Variants in ITGB5 observed in about 807,000 individuals in gnomAD.
ITGB5 encodes the protein integrin beta-5.
A neutral mutation model predicts 84.8 loss-of-function variants in ITGB5; 38 were observed. The ratio of observed to expected loss-of-function variants is 0.45; its 90% CI spans 0.35 to 0.59. The LOEUF (loss-of-function observed/expected upper bound fraction) is 0.59. Ranked by LOEUF, ITGB5 falls within the 20% of genes least tolerant of loss-of-function variation. The pLI is 0.01. For missense variants in ITGB5, 905 were observed against 1,034.5 expected, an observed-to-expected ratio of 0.87 and a Z score of 1.72; for synonymous variants, 393 against 414.4, an observed-to-expected ratio of 0.95 and a Z score of 0.63.
intron 8 of ITGB5, among the ~76,000 whole-genome samples, chr3:124,816,212 G>A (rs2064590002): frequency 6.6e-6 from 1 of 152,190 alleles, no homozygotes; most frequent in African/African-American, 2.4e-5. Flanking sequence ...TAAGCGCAGG[G>A]CTGGCTACAC....
chr3:124,817,563 G>A, intron 8 of ITGB5, 58 bp downstream of exon 8: 1 of 913,064 alleles, frequency 1.1e-6, no homozygotes, highest in Non-Finnish European at 1.7e-6. Context: ...CAGCTGCAGG[G>A]CCTCAGTGGG....
At chr3:124,805,045 TG>T (rs199948136) in intron 9 of ITGB5, among the ~76,000 whole-genome samples, 3,287 of 140,812 alleles carry the variant, frequency 0.023, 48 homozygotes, top group African/African-American at 0.041. Flanking sequence ...TGCCCTGCCC[TG>T]CCCTCCCTCC....
chr3:124,775,804 A>T (rs2063918902), intron 10 of ITGB5, among the ~76,000 whole-genome samples: 1 of 152,190 alleles, frequency 6.6e-6, no homozygotes, highest in Admixed American at 6.5e-5. Context: ...GTCAGAACTC[A>T]ACTCCAGAAA....
chr3:124,836,041 C>G (rs1036208922), intron 5 of ITGB5, among the ~76,000 whole-genome samples: 11 of 152,172 alleles, frequency 7.2e-5, no homozygotes, highest in African/African-American at 2.7e-4. Context: ...GGAAGGCAAC[C>G]TGGAGCACCT....
intron 7 of ITGB5, among the ~76,000 whole-genome samples, chr3:124,818,272 T>C (rs1348782159): frequency 1.3e-5 from 2 of 152,146 alleles, no homozygotes; most frequent in East Asian, 3.9e-4. Context: ...TCCTCTTTCA[T>C]CTGTACTAAC....
chr3:124,828,698 T>G (rs891326273), intron 5 of ITGB5, among the ~76,000 whole-genome samples: 6 of 152,256 alleles, frequency 3.9e-5, no homozygotes, highest in Admixed American at 1.3e-4. Context: ...ATGCTCAGGC[T>G]GGTCTTGAAC....
chr3:124,837,416 G>T (rs2064950256), intron 5 of ITGB5, among the ~76,000 whole-genome samples: 1 of 152,198 alleles, frequency 6.6e-6, no homozygotes, highest in Non-Finnish European at 1.5e-5. Flanking sequence ...ACAGGCAGTG[G>T]CATTCTCCAA....
chr3:124,810,609 G>A (rs868841650), intron 8 of ITGB5, among the ~76,000 whole-genome samples: 6 of 145,752 alleles, frequency 4.1e-5, no homozygotes, highest in Admixed American at 1.4e-4. Flanking sequence ...AAAAAATTAA[G>A]AATAATAATA....
chr3:124,801,876 C>T (rs1044947585), intron 9 of ITGB5, among the ~76,000 whole-genome samples: 2 of 152,254 alleles, frequency 1.3e-5, no homozygotes, highest in Non-Finnish European at 1.5e-5. Flanking sequence ...CCTCCATGGC[C>T]GTCACCATCA....
At chr3:124,867,108 T>G (rs188984995) in intron 2 of ITGB5, among the ~76,000 whole-genome samples, 88 of 152,242 alleles carry the variant, frequency 5.8e-4, no homozygotes, top group Admixed American at 1.4e-3. Context: ...CTTCATTGCT[T>G]CTTCTCCACA....
intron 11 of ITGB5, chr3:124,769,874 A>G (rs971936760): frequency 2.0e-5 from 3 of 152,234 alleles, no homozygotes; most frequent in Admixed American, 1.3e-4. Context: ...CCTCCTCTAG[A>G]AAATGGATGA....
intron 5 of ITGB5, among the ~76,000 whole-genome samples, chr3:124,838,796 T>C (rs6438857): frequency 0.45 from 67,994 of 151,740 alleles, 15,492 homozygotes; most frequent in East Asian, 0.7. Flanking sequence ...AGAGACGGGG[T>C]TTCACCGCGT....
chr3:124,815,516 G>C, intron 8 of ITGB5, among the ~76,000 whole-genome samples: 1 of 152,194 alleles, frequency 6.6e-6, no homozygotes, highest in Admixed American at 6.5e-5. Flanking sequence ...GGAGGCAAGC[G>C]GTGGCCTCCC....
At chr3:124,830,490 AC>A (rs1336819417) in intron 5 of ITGB5, among the ~76,000 whole-genome samples, 1 of 152,248 alleles carries the variant, frequency 6.6e-6, no homozygotes, top group Non-Finnish European at 1.5e-5. Flanking sequence ...CCAAGGGGCT[AC>A]AACAGGACAA....
chr3:124,834,650 A>C, intron 5 of ITGB5, among the ~76,000 whole-genome samples: 1 of 89,044 alleles, frequency 1.1e-5, no homozygotes, highest in South Asian at 4.9e-4. Context: ...AAGGACGGAC[A>C]GGAGGAAGGG....
At chr3:124,766,796 G>C (rs894660300) in intron 12 of ITGB5, among the ~76,000 whole-genome samples, 4 of 152,226 alleles carry the variant, frequency 2.6e-5, no homozygotes, top group Non-Finnish European at 1.5e-5. Flanking sequence ...GAGGCCAAGA[G>C]GCAGCAACTC....
chr3:124,849,964 C>T (rs848807), intron 3 of ITGB5, among the ~76,000 whole-genome samples: 127,428 of 152,094 alleles, frequency 0.84, 53,670 homozygotes, highest in African/African-American at 0.93. Context: ...GAACTGTCTA[C>T]ACATACTTGA....
chr3:124,787,114 C>T (rs966881204), intron 10 of ITGB5, among the ~76,000 whole-genome samples: 2 of 152,142 alleles, frequency 1.3e-5, no homozygotes, highest in South Asian at 2.1e-4. Context: ...AGCCAAACCT[C>T]GTGACCTTAA....
chr3:124,806,761 C>T (rs1174978445), intron 9 of ITGB5, among the ~76,000 whole-genome samples: 1 of 150,668 alleles, frequency 6.6e-6, no homozygotes. Flanking sequence ...ATAACTATCT[C>T]TTTAAATCCT....
Sources: gnomAD v4.1 joint callset for allele counts (sites outside exome capture counted in the v4.1 genomes callset) on GRCh38, gnomAD v4.1.1 for gene constraint, MANE v1.5 for transcripts, NCBI Gene and HGNC (gene_info 2026-07-23, HGNC 2026-07-21) for gene names.